STXBP4: variants seen among roughly 807,000 people sequenced by gnomAD.
STXBP4 encodes syntaxin-binding protein 4.
STXBP4 carries 55 observed loss-of-function variants against 76.1 expected under a neutral mutation model. That is an observed-to-expected ratio of 0.72 (90% CI 0.58 to 0.91). STXBP4 has a LOEUF of 0.91. Among genes scored for constraint, STXBP4 ranks in the 40% least tolerant of loss-of-function variants. The pLI, the probability that STXBP4 is intolerant of heterozygous loss-of-function variation, is 0.00. For synonymous variants in STXBP4, 201 were observed against 220.2 expected (o/e 0.91, Z 0.77); for missense variants, 618 against 636.9 (o/e 0.97, Z 0.32).
chr17:55,199,949 CT>C, the STXBP4 span, among the ~76,000 whole-genome samples: 2 of 152,240 alleles, frequency 1.3e-5, no homozygotes, highest in African/African-American at 2.4e-5. Flanking sequence ...AATACTTCCC[CT>C]ATCCCCATTC....
chr17:55,112,645 T>C (rs2079733702), intron 16 of STXBP4, among the ~76,000 whole-genome samples: 1 of 152,158 alleles, frequency 6.6e-6, no homozygotes, highest in Non-Finnish European at 1.5e-5. Context: ...GAGATGCCAG[T>C]TGACATCTAG....
At position 54,968,820 on chromosome 17, in the gene STXBP4, G is replaced by C. The variant is rs2077331540; in HGVS notation, c.-157+5G>C. 4.5e-6 allele frequency: 3 copies of C among 661,926 alleles called. No individual in the cohort carries two copies. In the African/African-American group the frequency reaches 5.4e-5, roughly 12 times the overall value. The allele number at this position is 661,926 out of a possible 1,614,324, so 41.0% of individuals were successfully genotyped here. On this transcript the variant is annotated splice_donor_5th_base_variant and intron_variant, in intron 1 of 17. Coordinates refer to ENST00000376352, the MANE Select transcript of STXBP4 (RefSeq NM_178509.6). ...GGCCGGGTTGCCAGATTACGGGTAA[G>C]TTTGCGTTTTGCTTTGTGACTGTTA...
chr17:54,990,854 C>G lies in STXBP4; in HGVS notation c.77C>G (p.Ala26Gly), dbSNP rs767100740. Residue 26 changes from alanine (A) to glycine (G), a missense_variant, in exon 4 of 18, where the codon GCC (alanine) becomes GGC (glycine). Physicochemically the swap from Ala to Gly is moderately conservative, Grantham distance 60. Coordinates refer to ENST00000376352, the MANE Select transcript of STXBP4 (RefSeq NM_178509.6). ...CCTGCCTTTCAGATGATTACAATTG[C>G]CAAGGAAACAGGCCTTGGCCTGAAG... ...KDPAFQMITIAKETGLGLKVL... is the reference protein window; with the variant it reads ...KDPAFQMITIGKETGLGLKVL... 1 of 1,604,916 alleles carries G rather than the reference C, an allele frequency of 6.2e-7. No individual in the cohort carries two copies. The highest frequency in any genetic ancestry group is 1.1e-5 in the South Asian group (1 of 89,150).
the STXBP4 span, among the ~76,000 whole-genome samples, chr17:55,189,576 G>A: frequency 9.5e-4 from 144 of 152,292 alleles, 5 homozygotes; most frequent in Non-Finnish European, 5.6e-4. Context: ...GTCAAGTTAC[G>A]TGCCCCAGAT....
chr17:55,096,533 TC>T (rs1394746896), intron 16 of STXBP4, among the ~76,000 whole-genome samples: 4 of 152,088 alleles, frequency 2.6e-5, no homozygotes, highest in Admixed American at 6.6e-5. Context: ...ATAAGATATC[TC>T]CCTCATTGAT....
chr17:55,009,208 G>A (rs373957843), intron 8 of STXBP4, among the ~76,000 whole-genome samples: 2 of 152,096 alleles, frequency 1.3e-5, no homozygotes, highest in South Asian at 2.1e-4. Flanking sequence ...CTTTTGTAAC[G>A]TGTGTTTATG....
intron 11 of STXBP4, chr17:55,043,712 T>C: frequency 7.0e-7 from 1 of 1,432,234 alleles, no homozygotes; most frequent in South Asian, 1.3e-5. Context: ...TGTGCAGGGC[T>C]ATTCTTAAGG....
At chr17:55,134,152 C>T (rs2080001832) in intron 16 of STXBP4, among the ~76,000 whole-genome samples, 2 of 151,768 alleles carry the variant, frequency 1.3e-5, no homozygotes, top group Admixed American at 1.3e-4. Context: ...TGAGGTATGA[C>T]CACAGAGAAA....
chr17:55,106,371 G>A (rs2079635072), intron 16 of STXBP4, among the ~76,000 whole-genome samples: 1 of 151,550 alleles, frequency 6.6e-6, no homozygotes, highest in African/African-American at 2.4e-5. Flanking sequence ...ACTTGATATG[G>A]GTCTCCTGAA....
chr17:55,123,945 A>G (rs1432177373), intron 16 of STXBP4, among the ~76,000 whole-genome samples: 3 of 152,068 alleles, frequency 2.0e-5, no homozygotes, highest in Non-Finnish European at 4.4e-5. Context: ...TGAAACTCTA[A>G]TGCATAATAC....
Position 55,161,741 on chromosome 17 carries a change from G to A in STXBP4, c.*1830G>A, listed in dbSNP as rs1472817847. The A allele has an allele frequency of 2.0e-5, 3 of 152,164 alleles. No homozygotes were observed. Among genetic ancestry groups the A allele is most frequent in the African/African-American group, 7.2e-5 (3 of 41,412 alleles). 9.4% of individuals were successfully genotyped at this position (152,164 alleles called of 1,614,324 possible). A position where few individuals can be genotyped will look rare whatever the true frequency, so the allele number is the denominator to read the frequency against. ...GGCATTTTGTGCCATACATGGTGAT[G>A]AGCAGTTTGCATATATTTATTTATG... On this transcript the variant is annotated 3_prime_UTR_variant, in exon 18 of 18. Coordinates refer to ENST00000376352, the MANE Select transcript of STXBP4 (RefSeq NM_178509.6).
chr17:55,003,822 CAT>C (rs1448651724), intron 7 of STXBP4, among the ~76,000 whole-genome samples: 1 of 152,036 alleles, frequency 6.6e-6, no homozygotes, highest in Non-Finnish European at 1.5e-5. Context: ...TTGAATAACA[CAT>C]GAGTTTGTAA....
intron 16 of STXBP4, among the ~76,000 whole-genome samples, chr17:55,127,798 A>G (rs1351126432): frequency 2.6e-5 from 4 of 152,222 alleles, no homozygotes. Flanking sequence ...TTTACCTGAA[A>G]GTAATGTGAG....
In STXBP4 at chr17:55,073,173, G is replaced by A. The variant is rs570528813; in HGVS notation, c.1188+97G>A. The A allele has an allele frequency of 2.4e-5, 26 of 1,081,346 alleles. No homozygotes were observed. In the South Asian group the frequency reaches 2.5e-4, roughly 10 times the overall value. 67.0% of individuals were successfully genotyped at this position (1,081,346 alleles called of 1,614,324 possible). On this transcript the variant is annotated intron_variant, in intron 13 of 17. Transcript: ENST00000376352. Reference sequence around the variant, plus strand: ...CTTTTCATCTGCACTTCTAAACTAGGTCAGTGTTTGTCTTCTATTATTCAA... The same window carrying A: ...CTTTTCATCTGCACTTCTAAACTAGATCAGTGTTTGTCTTCTATTATTCAA...
At chr17:54,993,279 T>G (rs1053002342) in intron 4 of STXBP4, among the ~76,000 whole-genome samples, 1 of 152,198 alleles carries the variant, frequency 6.6e-6, no homozygotes, top group African/African-American at 2.4e-5. Flanking sequence ...TCTTCCTACC[T>G]GGTCATATCT....
rs979553361 is a variant in STXBP4 at position 55,164,873 on chromosome 17, A to C, written c.*4962A>C. On this transcript the variant is annotated 3_prime_UTR_variant, in exon 18 of 18. Coordinates refer to ENST00000376352, the MANE Select transcript of STXBP4 (RefSeq NM_178509.6). ...GCAGGGATTTTGTCTTCTTGTATTC[A>C]TTTACTCACTTACACACTTACCGAG... 5 of 152,284 alleles carry C rather than the reference A, an allele frequency of 3.3e-5. No individual in the cohort carries two copies. The highest frequency in any genetic ancestry group is 1.2e-4 in the African/African-American group (5 of 41,408). 9.4% of individuals were successfully genotyped at this position (152,284 alleles called of 1,614,324 possible). A position where few individuals can be genotyped will look rare whatever the true frequency, so the allele number is the denominator to read the frequency against.
At chr17:55,175,782 C>T (rs1485867961), downstream of STXBP4, among the ~76,000 whole-genome samples, 1 of 152,156 alleles carries the variant, frequency 6.6e-6, no homozygotes, top group African/African-American at 2.4e-5. Flanking sequence ...AGTGTCAAAG[C>T]AAGAAGGATA....
the STXBP4 span, among the ~76,000 whole-genome samples, chr17:55,193,815 G>GGAA: frequency 9.4e-6 from 1 of 105,882 alleles, no homozygotes; most frequent in African/African-American, 3.7e-5. Flanking sequence ...CCTGATTTCA[G>GGAA]AAAAAAAAAA....
intron 16 of STXBP4, among the ~76,000 whole-genome samples, chr17:55,098,193 C>A (rs2079518589): frequency 2.0e-5 from 3 of 152,066 alleles, no homozygotes; most frequent in African/African-American, 7.3e-5. Context: ...TCTCTGAGAA[C>A]ACGTGAGAAA....
Sources: gnomAD v4.1 joint callset for allele counts (sites outside exome capture counted in the v4.1 genomes callset) on GRCh38, gnomAD v4.1.1 for gene constraint, MANE v1.5 for transcripts, NCBI Gene and HGNC (gene_info 2026-07-23, HGNC 2026-07-21) for gene names.